Variants in TRIM4 observed in about 807,000 individuals in gnomAD.
TRIM4 encodes the protein tripartite motif containing 4.
TRIM4 carries 29 observed loss-of-function variants against 33.7 expected under a neutral mutation model. The ratio of observed to expected loss-of-function variants is 0.86; its 90% CI spans 0.64 to 1.17. TRIM4 has a LOEUF of 1.17. Among genes scored for constraint, TRIM4 ranks in the 50% most tolerant of loss-of-function variants. TRIM4 has a pLI of 0.00. For synonymous variants in TRIM4, 224 were observed against 233.0 expected (o/e 0.96, Z 0.35); for missense variants, 554 against 593.7 (o/e 0.93, Z 0.69).
chr7:99,914,496 C>G (rs1480181832), intron 1 of TRIM4, among the ~76,000 whole-genome samples: 1 of 152,184 alleles, frequency 6.6e-6, no homozygotes, highest in Non-Finnish European at 1.5e-5. Flanking sequence ...TATTGTCACT[C>G]TCCTGCTCAA....
intron 3 of TRIM4, among the ~76,000 whole-genome samples, chr7:99,903,882 G>T (rs1819234736): frequency 6.6e-6 from 1 of 152,168 alleles, no homozygotes; most frequent in Admixed American, 6.5e-5. Context: ...CAATCACAGA[G>T]CCTGCTCCTT....
chr7:99,903,483 C>T, intron 4 of TRIM4, 93 bp downstream of exon 4: 5 of 1,537,470 alleles, frequency 3.3e-6, no homozygotes, highest in Non-Finnish European at 9.0e-7. Context: ...TGTGCCCAGA[C>T]TGACCTATGG....
At chr7:99,909,467 C>A in intron 2 of TRIM4, 98 bp downstream of exon 2, 1 of 985,508 alleles carries the variant, frequency 1.0e-6, no homozygotes. Flanking sequence ...TCTACGTGAA[C>A]TGCAAAACCC....
intron 5 of TRIM4, 42 bp from the exon 6 acceptor site, chr7:99,892,788 T>C (rs1265792928): frequency 6.6e-7 from 1 of 1,509,178 alleles, no homozygotes; most frequent in Non-Finnish European, 9.0e-7. Context: ...CAGCTTATCA[T>C]CAACCCTTCC....
intron 1 of TRIM4, among the ~76,000 whole-genome samples, 199 bp from the exon 2 acceptor site, chr7:99,909,859 A>C (rs910776371): frequency 3.3e-5 from 5 of 151,354 alleles, no homozygotes; most frequent in African/African-American, 1.2e-4. Context: ...CAGCCTCCCA[A>C]GTAGCTGGAC....
In TRIM4 at chr7:99,919,285, G is replaced by C. The variant is rs575184410; in HGVS notation, c.117C>G (p.Asn39Lys). Residue 39 changes from asparagine to lysine, a missense_variant, in exon 1 of 6, where the codon AAC (asparagine) becomes AAG (lysine). Physicochemically the swap from Asn to Lys is moderately conservative, Grantham distance 94. Coordinates refer to ENST00000349062, the MANE Select transcript of TRIM4 (RefSeq NM_033091.3). Reference protein sequence around the residue: ...HNFCRGCLHRNWAPGGGPFPC... With the variant: ...HNFCRGCLHRKWAPGGGPFPC... ...GGAACGGGCCGCCGCCCGGCGCCCA[G>C]TTGCGGTGCAGGCAGCCGCGGCAGA... 1.9e-5 allele frequency: 29 copies of C among 1,551,562 alleles called. No individual in the cohort carries two copies. Among genetic ancestry groups the C allele is most frequent in the East Asian group, 1.7e-4 (7 of 40,504 alleles).
At chr7:99,910,762 C>T (rs962313774) in intron 1 of TRIM4, among the ~76,000 whole-genome samples, 1 of 152,136 alleles carries the variant, frequency 6.6e-6, no homozygotes, top group African/African-American at 2.4e-5. Context: ...AATTTAAAAA[C>T]CCGAGTAAGT....
In TRIM4 at chr7:99,899,263, G is replaced by T. The variant is rs982226438; in HGVS notation, c.841+3955C>A. Among the ~76,000 whole-genome samples the T allele has an allele frequency of 3.3e-5, 5 of 152,274 alleles. No individual in the cohort carries two copies. In the East Asian group the frequency reaches 9.7e-4, roughly 29 times the overall value. On this transcript the variant is annotated intron_variant, in intron 5 of 5. Coordinates refer to ENST00000349062, the MANE Select transcript of TRIM4 (RefSeq NM_033091.3). ...ATTCCTTGGAATGCAGGCAATACAG[G>T]GAATCGAGGCCCTTTCTTTTGGGTT...
In TRIM4 at chr7:99,900,380, C is replaced by G. The variant is rs144663712; in HGVS notation, c.841+2838G>C. On this transcript the variant is annotated intron_variant, in intron 5 of 5. Transcript: ENST00000349062. ...TTACTGACTTAAATGTTAATCTTATCCAAAATCACCCTCAAAAAAACACCC... is the reference window on the plus strand; with the variant it reads ...TTACTGACTTAAATGTTAATCTTATGCAAAATCACCCTCAAAAAAACACCC... Among the ~76,000 whole-genome samples, 16 of 152,298 alleles carry G rather than the reference C, an allele frequency of 1.1e-4. No individual in the cohort carries two copies. In the East Asian group the frequency reaches 2.9e-3, roughly 28 times the overall value.
rs190325613 is a variant in TRIM4 at position 99,902,089 on chromosome 7, G to C, written c.841+1129C>G. 4 of 764,988 alleles carry C rather than the reference G, an allele frequency of 5.2e-6. No individual in the cohort carries two copies. In the South Asian group the frequency reaches 5.4e-5, roughly 10 times the overall value. The allele number at this position is 764,988 out of a possible 1,614,324, so 47.4% of individuals were successfully genotyped here. On this transcript the variant is annotated intron_variant, in intron 5 of 5. Transcript: ENST00000349062. ...TGTTTCACATTTCTCAGGAATCACC[G>C]TCCTTCACTGCCTGACGTCTGGTGC...
intron 5 of TRIM4, chr7:99,901,872 C>G (rs983791168): frequency 2.1e-5 from 11 of 516,534 alleles, no homozygotes; most frequent in East Asian, 6.3e-5. Context: ...AGGGTTCTCT[C>G]TGTGTCCGGC....
rs1261919421 is a variant in TRIM4, at chr7:99,908,705, T to C, written c.597A>G (p.Glu199=). 6.2e-7 allele frequency: 1 copy of C among 1,614,120 alleles called. No homozygotes were observed. Among genetic ancestry groups the C allele is most frequent in the Admixed American group, 1.7e-5 (1 of 60,016 alleles). ...DLFLQRLNKE[E]EETKKKLNEN... ...CATTCAGCTTCTTCTTCGTCTCTTC[T>C]TCTTCTTTGTTCAATCTCTGAAGAA... Residue 199 remains glutamate (E), a synonymous_variant, in exon 3 of 6, where the codon GAA becomes GAG. Transcript: ENST00000349062.
intron 1 of TRIM4, among the ~76,000 whole-genome samples, chr7:99,915,102 G>A (rs1455266162): frequency 6.6e-6 from 1 of 152,154 alleles, no homozygotes; most frequent in Non-Finnish European, 1.5e-5. Context: ...GAGCCACTGC[G>A]CCTGGCCTAG....
chr7:99,901,519 G>T (rs1200080288), intron 5 of TRIM4: 1 of 152,124 alleles, frequency 6.6e-6, no homozygotes, highest in Non-Finnish European at 1.5e-5. Context: ...ATTTTCTAGG[G>T]CTTTATCCTG....
chr7:99,908,616 TC>T lies in TRIM4; in HGVS notation c.685del (p.Glu229ArgfsTer18). On this transcript the variant is annotated frameshift_variant, in exon 3 of 6. Transcript: ENST00000349062. LOFTEE classifies it high-confidence loss of function. The part of the protein sequence containing the change: ...SLKKLILEVG[E>X]KSQAPTLELL... ...CTCCAGGGTGGGAGCCTGGCTCTTCTCCCCCACCTCTAAGATGAGCTTCTTC... is the reference window on the plus strand; with the variant it reads ...CTCCAGGGTGGGAGCCTGGCTCTTCTCCCCACCTCTAAGATGAGCTTCTTC... 1 of 1,613,480 alleles carries T rather than the reference TC, an allele frequency of 6.2e-7. No individual in the cohort carries two copies. The highest frequency in any genetic ancestry group is 8.5e-7 in the Non-Finnish European group (1 of 1,179,614).
chr7:99,917,899 G>A lies in TRIM4; in HGVS notation c.393+1110C>T, dbSNP rs140157786. On this transcript the variant is annotated intron_variant, in intron 1 of 5. Coordinates refer to ENST00000349062, the MANE Select transcript of TRIM4 (RefSeq NM_033091.3). ...AGCTAAAAGGATCTAAAGGATAGAT[G>A]TGGGTAGAGAAAGAGAACAGACTTG... 4.4e-3 allele frequency: 4,261 copies of A among 964,988 alleles called. 14 individuals are homozygous for A. The highest frequency in any genetic ancestry group is 5.0e-3 in the Non-Finnish European group (4,033 of 811,338). The allele number at this position is 964,988 out of a possible 1,614,324, so 59.8% of individuals were successfully genotyped here. A position where few individuals can be genotyped will look rare whatever the true frequency, so the allele number is the denominator to read the frequency against.
intron 1 of TRIM4, among the ~76,000 whole-genome samples, chr7:99,918,069 T>C (rs924330464): frequency 6.6e-6 from 1 of 152,202 alleles, no homozygotes; most frequent in Admixed American, 6.5e-5. Flanking sequence ...AGGAAGCTAG[T>C]AACAAAACCC....
chr7:99,892,308 C>A lies in TRIM4; in HGVS notation c.1280G>T (p.Gly427Val). 6.2e-7 allele frequency: 1 copy of A among 1,614,148 alleles called. No homozygotes were observed. Among genetic ancestry groups the A allele is most frequent in the Non-Finnish European group, 8.5e-7 (1 of 1,180,026 alleles). The change falls in exon 6 of 6, where the codon GGG (glycine) becomes GTG (valine). Residue 427 changes from glycine (G) to valine (V), a missense_variant. Physicochemically the swap from Gly to Val is moderately radical, Grantham distance 109 (BLOSUM62 -3). Around this residue, in one of 3 missense-constraint regions of TRIM4, gnomAD observed 290 missense variants for 335.8 expected, o/e 0.86. Transcript: ENST00000349062. ...GCTGTAGAAGGAGACATTCCCAGTC[C>A]CACGATCCAGGTAAACCCCCACTCG... ...LHRVGVYLDR[G>V]TGNVSFYSAV...
intron 5 of TRIM4, among the ~76,000 whole-genome samples, chr7:99,894,003 C>A (rs998302792): frequency 5.5e-5 from 8 of 145,672 alleles, no homozygotes; most frequent in Non-Finnish European, 8.9e-5. Flanking sequence ...ATATAAACTA[C>A]ATCGATTTTC....
Sources: allele counts gnomAD v4.1 joint callset (sites outside exome capture counted in the v4.1 genomes callset), GRCh38; gene constraint gnomAD v4.1.1; regional missense constraint gnomAD v4.1.1; transcripts MANE v1.5; gene names NCBI Gene and HGNC (gene_info 2026-07-23, HGNC 2026-07-21).